The following TRPC4AP variants were observed in gnomAD, a reference collection of about 807,000 sequenced individuals.
TRPC4AP encodes short transient receptor potential channel 4-associated protein.
In TRPC4AP, 45 loss-of-function variants were observed where a neutral mutation model predicts 99.0. The observed-to-expected ratio is 0.45, with a 90% CI of 0.36 to 0.58. The LOEUF (loss-of-function observed/expected upper bound fraction) is 0.58. TRPC4AP is among the 20% of genes least tolerant of loss of function. TRPC4AP has a pLI of 0.00. For synonymous variants in TRPC4AP, 408 were observed against 385.8 expected (o/e 1.06, Z -0.67); for missense variants, 879 against 985.3 (o/e 0.89, Z 1.44).
intron 1 of TRPC4AP, among the ~76,000 whole-genome samples, chr20:35,086,169 G>A (rs1207556180): frequency 6.6e-6 from 1 of 151,766 alleles, no homozygotes; most frequent in Admixed American, 6.6e-5. Flanking sequence ...ATCTTGCCCA[G>A]GTTGGTCTTG....
intron 3 of TRPC4AP, among the ~76,000 whole-genome samples, chr20:35,068,946 T>TAC (rs71196783): frequency 0.11 from 12,905 of 113,022 alleles, 695 homozygotes; most frequent in Non-Finnish European, 0.15. Context: ...GGGGAATATT[T>TAC]ACACACACAC....
intron 6 of TRPC4AP, among the ~76,000 whole-genome samples, chr20:35,045,195 C>T (rs148686950): frequency 3.2e-4 from 49 of 152,168 alleles, no homozygotes; most frequent in African/African-American, 1.1e-3. Context: ...GTTTATTATT[C>T]CCGTGCATGT....
intron 4 of TRPC4AP, among the ~76,000 whole-genome samples, chr20:35,055,957 T>C (rs956177687): frequency 6.6e-6 from 1 of 152,212 alleles, no homozygotes; most frequent in Non-Finnish European, 1.5e-5. Context: ...GTATGAACCA[T>C]GGACAAAGTG....
intron 8 of TRPC4AP, among the ~76,000 whole-genome samples, chr20:35,025,491 G>A (rs922433966): frequency 2.0e-5 from 3 of 152,106 alleles, no homozygotes; most frequent in African/African-American, 4.8e-5. Context: ...GTTTTGATTT[G>A]CATTTCCCTG....
intron 9 of TRPC4AP, among the ~76,000 whole-genome samples, chr20:35,020,440 C>A (rs186184673): frequency 9.8e-5 from 15 of 152,294 alleles, no homozygotes; most frequent in African/African-American, 3.6e-4. Flanking sequence ...ACACTCCTCC[C>A]CAGGGCACTG....
At position 35,006,513 on chromosome 20, in the gene TRPC4AP, A is replaced by T; in HGVS notation, c.1749T>A (p.Phe583Leu). 6.2e-7 allele frequency: 1 copy of T among 1,614,200 alleles called. No homozygotes were observed. Among genetic ancestry groups the T allele is most frequent in the Admixed American group, 1.7e-5 (1 of 60,028 alleles). Reference protein sequence around the residue: ...CKSRDVLQSYFDLLGELMKFN... With the variant: ...CKSRDVLQSYLDLLGELMKFN... Reference sequence around the variant, plus strand: ...ACTTCATCAGCTCCCCCAGGAGGTCAAAGTAACTCTGGAGCACATCCCTTG... The same window carrying T: ...ACTTCATCAGCTCCCCCAGGAGGTCTAAGTAACTCTGGAGCACATCCCTTG... The change falls in exon 15 of 19, where the codon TTT (phenylalanine) becomes TTA (leucine). Residue 583 changes from phenylalanine (F) to leucine (L), a missense_variant. By Grantham distance (22) the Phe-to-Leu change is conservative. Transcript: ENST00000252015.
At chr20:35,080,804 GTTT>G (rs34370030) in intron 1 of TRPC4AP, among the ~76,000 whole-genome samples, 1 of 49,560 alleles carries the variant, frequency 2.0e-5, no homozygotes, top group Non-Finnish European at 4.9e-5. Flanking sequence ...GTACACTTCA[GTTT>G]TTTTTTTTTT....
At chr20:35,052,212 A>C (rs2083719018) in intron 5 of TRPC4AP, among the ~76,000 whole-genome samples, 1 of 146,098 alleles carries the variant, frequency 6.8e-6, no homozygotes, top group Non-Finnish European at 1.5e-5. Context: ...CAATCCTCCC[A>C]CCTCAGCCTC....
chr20:35,033,527 A>G (rs2083249317), intron 8 of TRPC4AP, among the ~76,000 whole-genome samples: 1 of 152,150 alleles, frequency 6.6e-6, no homozygotes, highest in Admixed American at 6.5e-5. Context: ...ACTGTTTTTG[A>G]TAATGCCCTG....
chr20:35,066,603 A>T (rs116332085), intron 3 of TRPC4AP, among the ~76,000 whole-genome samples: 69 of 152,286 alleles, frequency 4.5e-4, no homozygotes, highest in African/African-American at 1.6e-3. Flanking sequence ...ACCAAAATAA[A>T]CTTCAAATGA....
intron 5 of TRPC4AP, among the ~76,000 whole-genome samples, chr20:35,050,397 T>C (rs1393412900): frequency 3.9e-5 from 6 of 152,250 alleles, no homozygotes; most frequent in Non-Finnish European, 5.9e-5. Context: ...ACTCCATTTT[T>C]TTCATCAGTA....
At chr20:35,063,843 A>G (rs1231734627) in intron 3 of TRPC4AP, among the ~76,000 whole-genome samples, 1 of 152,234 alleles carries the variant, frequency 6.6e-6, no homozygotes, top group Non-Finnish European at 1.5e-5. Flanking sequence ...CCTGTGACAC[A>G]GTGCAACTCT....
Position 35,012,602 on chromosome 20 carries a change from T to TTG in TRPC4AP, c.1409+404_1409+405dup, listed in dbSNP as rs367979445. On this transcript the variant is annotated intron_variant, in intron 11 of 18. Transcript: ENST00000252015. ...TCAAGAAAAATGGGAGCACACCTCC[T>TTG]TGTGGAGGGAAGAATCCTCCAGCTG... Among the ~76,000 whole-genome samples, 191 of 152,336 alleles carry TTG rather than the reference T, an allele frequency of 1.3e-3. 1 individual carries two copies. Among genetic ancestry groups the TTG allele is most frequent in the African/African-American group, 4.4e-3 (183 of 41,572 alleles).
chr20:35,044,764 T>G, intron 6 of TRPC4AP, 52 bp from the exon 7 acceptor site: 1 of 1,566,790 alleles, frequency 6.4e-7, no homozygotes, highest in Non-Finnish European at 8.8e-7. Flanking sequence ...CTCAAGAGAT[T>G]GGATGTGCCT....
chr20:35,086,465 G>GTATATATA (rs1569157456), intron 1 of TRPC4AP, among the ~76,000 whole-genome samples: 6 of 116,114 alleles, frequency 5.2e-5, no homozygotes, highest in East Asian at 2.7e-4. Flanking sequence ...GTGTGTGTGT[G>GTATATATA]TGTGTGTGTG....
intron 10 of TRPC4AP, among the ~76,000 whole-genome samples, chr20:35,014,969 A>T (rs931623054): frequency 3.3e-5 from 5 of 152,310 alleles, no homozygotes; most frequent in African/African-American, 1.2e-4. Flanking sequence ...ACACAAGCTA[A>T]AGGAGAGTGC....
In TRPC4AP at chr20:35,015,886, G is replaced by A. The variant is rs577029598; in HGVS notation, c.1350+122C>T. ...GTAGCTTCCAATTAGGGGACTATAA[G>A]ATATGATTTTAGTTTCTGCTCTACT... On this transcript the variant is annotated intron_variant, in intron 10 of 18. Transcript: ENST00000252015. 30 of 1,266,280 alleles carry A rather than the reference G, an allele frequency of 2.4e-5. No individual in the cohort carries two copies. In the African/African-American group the frequency reaches 4.2e-4, roughly 18 times the overall value. The allele number at this position is 1,266,280 out of a possible 1,614,324, so 78.4% of individuals were successfully genotyped here. A position where few individuals can be genotyped will look rare whatever the true frequency, so the allele number is the denominator to read the frequency against.
chr20:35,035,102 A>AG, intron 8 of TRPC4AP, 21 bp downstream of exon 8: 1 of 1,606,252 alleles, frequency 6.2e-7, no homozygotes, highest in Non-Finnish European at 8.5e-7. Context: ...CCGATCACTC[A>AG]GGGGACCCAT....
At chr20:35,042,030 A>G (rs1298865914) in intron 7 of TRPC4AP, among the ~76,000 whole-genome samples, 3 of 152,238 alleles carry the variant, frequency 2.0e-5, no homozygotes, top group Non-Finnish European at 4.4e-5. Flanking sequence ...TTAAAATTAT[A>G]CTTTAAGTTC....
Sources: allele counts gnomAD v4.1 joint callset (sites outside exome capture counted in the v4.1 genomes callset), GRCh38; gene constraint gnomAD v4.1.1; transcripts MANE v1.5; gene names NCBI Gene and HGNC (gene_info 2026-07-23, HGNC 2026-07-21).